The following SNTG1 variants were observed in gnomAD, a reference collection of about 807,000 sequenced individuals.
SNTG1 encodes the protein syntrophin gamma 1, also known as gamma-1-syntrophin.
A neutral mutation model predicts 74.7 loss-of-function variants in SNTG1; 39 were observed. The observed-to-expected ratio is 0.52, with a 90% CI of 0.40 to 0.68. SNTG1 has a LOEUF of 0.68. SNTG1 is among the 30% of genes least tolerant of loss of function. The pLI is 0.00. For missense variants in SNTG1, 685 were observed against 609.5 expected (o/e 1.12, Z -1.30); for synonymous variants, 254 against 217.1 (o/e 1.17, Z -1.49).
chr8:50,776,492 T>G (rs1466655389), intron 18 of SNTG1, among the ~76,000 whole-genome samples: 1 of 147,698 alleles, frequency 6.8e-6, no homozygotes, highest in African/African-American at 2.4e-5. Flanking sequence ...TGTTTATATT[T>G]ATAATATATA....
At chr8:50,607,677 G>A (rs749341056) in intron 13 of SNTG1, among the ~76,000 whole-genome samples, 7 of 151,068 alleles carry the variant, frequency 4.6e-5, no homozygotes, top group Admixed American at 2.0e-4. Flanking sequence ...TGACTTCTTC[G>A]TTGTCTTTCT....
chr8:50,014,928 G>T (rs1302478410), intron 1 of SNTG1, among the ~76,000 whole-genome samples: 1 of 151,588 alleles, frequency 6.6e-6, no homozygotes, highest in Admixed American at 6.6e-5. Flanking sequence ...GGAAAGGTAT[G>T]GAAGAAATTA....
chr8:50,630,977 T>G (rs183048930), intron 13 of SNTG1, among the ~76,000 whole-genome samples: 125 of 152,344 alleles, frequency 8.2e-4, no homozygotes, highest in Non-Finnish European at 1.4e-3. Flanking sequence ...CTTTGTGAGA[T>G]GTACATATCC....
At chr8:50,579,685 C>A (rs1201364012) in intron 12 of SNTG1, among the ~76,000 whole-genome samples, 1 of 152,196 alleles carries the variant, frequency 6.6e-6, no homozygotes. Flanking sequence ...GCAGTTCAGG[C>A]CGTTGCTTCA....
At chr8:50,241,848 G>C (rs1238689350) in intron 2 of SNTG1, among the ~76,000 whole-genome samples, 1 of 152,064 alleles carries the variant, frequency 6.6e-6, no homozygotes, top group Non-Finnish European at 1.5e-5. Context: ...TACGCAGGTA[G>C]AACTTGGGAA....
intron 1 of SNTG1, among the ~76,000 whole-genome samples, chr8:49,977,206 T>C (rs897781689): frequency 2.6e-5 from 4 of 151,860 alleles, no homozygotes; most frequent in African/African-American, 4.8e-5. Context: ...ACTCAATAGA[T>C]AAAAATGGGC....
intron 1 of SNTG1, among the ~76,000 whole-genome samples, chr8:50,132,636 G>A (rs1407451783): frequency 6.6e-6 from 1 of 152,134 alleles, no homozygotes; most frequent in Non-Finnish European, 1.5e-5. Flanking sequence ...GGCCTTCTGT[G>A]GCAAAAGTCC....
intron 1 of SNTG1, among the ~76,000 whole-genome samples, chr8:50,143,581 C>A (rs576393167): frequency 2.0e-5 from 3 of 152,170 alleles, no homozygotes; most frequent in Non-Finnish European, 2.9e-5. Flanking sequence ...CAGATAGTCT[C>A]GTACTTTTAA....
chr8:50,257,225 C>T (rs770736862), intron 2 of SNTG1, among the ~76,000 whole-genome samples: 7 of 152,126 alleles, frequency 4.6e-5, no homozygotes, highest in Non-Finnish European at 7.3e-5. Flanking sequence ...AAGCTTTATC[C>T]AAGGAATTGC....
Position 49,986,979 on chromosome 8 carries a change from C to G in SNTG1, c.-103+74748C>G, listed in dbSNP as rs529386039. 5.9e-5 allele frequency among the ~76,000 whole-genome samples: 9 copies of G among 152,206 alleles called. No individual in the cohort carries two copies. The East Asian group carries it at 1.7e-3, about 29-fold the overall frequency. On this transcript the variant is annotated intron_variant, in intron 1 of 18. Coordinates refer to ENST00000642720, the MANE Select transcript of SNTG1 (RefSeq NM_018967.5). ...GCTGAGATTAAAATGCAAGAGTATC[C>G]CAAAATTCCTAGCTAGAATGAGCAA...
At chr8:50,026,365 T>C (rs1388583295) in intron 1 of SNTG1, among the ~76,000 whole-genome samples, 1 of 152,206 alleles carries the variant, frequency 6.6e-6, no homozygotes, top group Non-Finnish European at 1.5e-5. Flanking sequence ...TAAGTGAATG[T>C]GCACAAGAGC....
intron 2 of SNTG1, among the ~76,000 whole-genome samples, chr8:50,295,305 C>T (rs1043350875): frequency 7.2e-5 from 11 of 152,228 alleles, no homozygotes; most frequent in African/African-American, 2.4e-4. Flanking sequence ...ATAGAAAATG[C>T]TTTTGGTTGC....
At chr8:50,547,181 T>C (rs919616299) in intron 11 of SNTG1, among the ~76,000 whole-genome samples, 29 of 152,162 alleles carry the variant, frequency 1.9e-4, no homozygotes, top group African/African-American at 5.1e-4. Context: ...TGATGTTACA[T>C]GTGGTTCTCA....
intron 8 of SNTG1, among the ~76,000 whole-genome samples, chr8:50,468,374 C>T (rs1476592376): frequency 6.6e-6 from 1 of 152,164 alleles, no homozygotes; most frequent in Non-Finnish European, 1.5e-5. Flanking sequence ...CTTAATTCCT[C>T]ACTTAATCAT....
chr8:50,175,554 T>A (rs2082967344), intron 2 of SNTG1, among the ~76,000 whole-genome samples: 1 of 152,192 alleles, frequency 6.6e-6, no homozygotes, highest in African/African-American at 2.4e-5. Flanking sequence ...GAGGGGGTCA[T>A]TTATTCCCTT....
At chr8:50,415,208 C>T (rs2092999509) in intron 4 of SNTG1, among the ~76,000 whole-genome samples, 1 of 152,026 alleles carries the variant, frequency 6.6e-6, no homozygotes. Context: ...CCAAGGAGTT[C>T]TGAAAATGGC....
intron 13 of SNTG1, among the ~76,000 whole-genome samples, chr8:50,624,685 T>C (rs1388012967): frequency 6.6e-6 from 1 of 152,180 alleles, no homozygotes; most frequent in African/African-American, 2.4e-5. Context: ...CTAACCTCCA[T>C]TCCTTAACAT....
chr8:50,071,362 G>C (rs1821348861), intron 1 of SNTG1, among the ~76,000 whole-genome samples: 1 of 152,034 alleles, frequency 6.6e-6, no homozygotes, highest in Non-Finnish European at 1.5e-5. Flanking sequence ...TTTGTTCAGA[G>C]ATGGGGTCTT....
At chr8:50,310,829 C>T (rs1033332906) in intron 2 of SNTG1, among the ~76,000 whole-genome samples, 1 of 152,098 alleles carries the variant, frequency 6.6e-6, no homozygotes, top group Non-Finnish European at 1.5e-5. Flanking sequence ...GATATACATA[C>T]CAGTATAAAA....
Sources: allele counts gnomAD v4.1 joint callset (sites outside exome capture counted in the v4.1 genomes callset), GRCh38; gene constraint gnomAD v4.1.1; transcripts MANE v1.5; gene names NCBI Gene and HGNC (gene_info 2026-07-23, HGNC 2026-07-21).